FER: variants seen among roughly 807,000 people sequenced by gnomAD.
FER encodes the protein FER tyrosine kinase.
A neutral mutation model predicts 111.0 loss-of-function variants in FER; 63 were observed. The observed-to-expected ratio is 0.57, with a 90% confidence interval of 0.46 to 0.70. The LOEUF is 0.70. FER is among the 30% of genes least tolerant of loss of function. The pLI is 0.00. For synonymous variants in FER, 327 were observed against 313.9 expected (o/e 1.04, Z -0.44); for missense variants, 914 against 954.0 (o/e 0.96, Z 0.55).
intron 3 of FER, chr5:108,830,524 CAG>C (rs1759930657): frequency 6.6e-6 from 1 of 151,976 alleles, no homozygotes; most frequent in East Asian, 1.9e-4. Flanking sequence ...TTAAGGGAGA[CAG>C]TTATATTAAT....
chr5:108,777,373 A>G (rs1200538278), intron 2 of FER, among the ~76,000 whole-genome samples: 2 of 152,210 alleles, frequency 1.3e-5, no homozygotes, highest in Admixed American at 1.3e-4. Flanking sequence ...TCTGTTATCA[A>G]TATTTCTCAC....
intron 1 of FER, among the ~76,000 whole-genome samples, chr5:108,756,697 T>G (rs1751149169): frequency 6.6e-6 from 1 of 152,158 alleles, no homozygotes; most frequent in Non-Finnish European, 1.5e-5. Context: ...ATGTTGGGGA[T>G]GATGTATGAG....
chr5:109,049,111 C>T (rs573894107), intron 16 of FER, among the ~76,000 whole-genome samples: 3 of 152,112 alleles, frequency 2.0e-5, no homozygotes, highest in South Asian at 2.1e-4. Flanking sequence ...TTGTTGGATC[C>T]GAGTTTCTGT....
At chr5:108,991,134 T>G (rs1299916250) in intron 13 of FER, among the ~76,000 whole-genome samples, 1 of 151,736 alleles carries the variant, frequency 6.6e-6, no homozygotes, top group Non-Finnish European at 1.5e-5. Flanking sequence ...AATTATTAAG[T>G]ATAAAGGAGA....
intron 2 of FER, among the ~76,000 whole-genome samples, chr5:108,778,650 G>C (rs1753743795): frequency 6.6e-6 from 1 of 152,100 alleles, no homozygotes; most frequent in African/African-American, 2.4e-5. Context: ...TGTCTGTTAA[G>C]GTCTGTGGCC....
At chr5:109,087,401 CAT>C (rs1482626939) in intron 16 of FER, among the ~76,000 whole-genome samples, 2 of 151,778 alleles carry the variant, frequency 1.3e-5, no homozygotes, top group Non-Finnish European at 2.9e-5. Flanking sequence ...TGGTTGATAA[CAT>C]ACTAAAATCT....
chr5:109,020,382 G>A (rs1767762723), intron 13 of FER, among the ~76,000 whole-genome samples: 1 of 151,762 alleles, frequency 6.6e-6, no homozygotes, highest in South Asian at 2.1e-4. Flanking sequence ...CTAGAAATAA[G>A]ACCAAAATTT....
intron 17 of FER, among the ~76,000 whole-genome samples, chr5:109,138,168 C>T (rs1163095975): frequency 6.6e-6 from 1 of 152,302 alleles, no homozygotes; most frequent in East Asian, 1.9e-4. Flanking sequence ...AAGAATTACT[C>T]TCTCCATTCA....
rs928715253 is a variant in FER at position 108,966,934 on chromosome 5, C to T, written c.1656+7587C>T. Among the ~76,000 whole-genome samples the T allele has an allele frequency of 8.5e-5, 13 of 152,230 alleles. 1 individual carries two copies. Among genetic ancestry groups the T allele is most frequent in the African/African-American group, 3.1e-4 (13 of 41,556 alleles). On this transcript the variant is annotated intron_variant, in intron 13 of 19. Coordinates refer to ENST00000281092, the MANE Select transcript of FER (RefSeq NM_005246.4). ...CAAAAACAACAAAAATTGGAAAACT[C>T]GTAAACTGCATTTTTCATGAAACAG...
intron 3 of FER, among the ~76,000 whole-genome samples, chr5:108,813,711 C>T (rs969514747): frequency 5.9e-5 from 9 of 152,108 alleles, no homozygotes; most frequent in East Asian, 1.9e-4. Context: ...AACTTCCTTT[C>T]GTAACCCTAT....
chr5:109,127,499 G>T (rs1243087204), intron 17 of FER, among the ~76,000 whole-genome samples: 1 of 152,078 alleles, frequency 6.6e-6, no homozygotes, highest in African/African-American at 2.4e-5. Context: ...CACCTCCCAG[G>T]TTCAAGGGGT....
intron 13 of FER, among the ~76,000 whole-genome samples, chr5:109,036,000 C>A (rs1561807078): frequency 6.6e-6 from 1 of 151,944 alleles, no homozygotes; most frequent in South Asian, 2.1e-4. Flanking sequence ...GAGCTGGGTT[C>A]TTTGTTTTGT....
chr5:108,872,733 ATG>A (rs1162827082), intron 8 of FER, among the ~76,000 whole-genome samples: 1 of 152,172 alleles, frequency 6.6e-6, no homozygotes, highest in Non-Finnish European at 1.5e-5. Flanking sequence ...AGAAATCACA[ATG>A]TGTTTTTAGT....
At chr5:109,140,565 G>A (rs1199136540) in intron 17 of FER, among the ~76,000 whole-genome samples, 2 of 152,160 alleles carry the variant, frequency 1.3e-5, no homozygotes, top group African/African-American at 2.4e-5. Context: ...GACTTTTAAG[G>A]AAGCAAGAAA....
At chr5:108,822,249 A>G (rs1363802036) in intron 3 of FER, among the ~76,000 whole-genome samples, 1 of 152,166 alleles carries the variant, frequency 6.6e-6, no homozygotes, top group Non-Finnish European at 1.5e-5. Context: ...TTTATTTACT[A>G]TAATTTCTTT....
At chr5:108,790,578 G>T (rs567681204) in intron 2 of FER, among the ~76,000 whole-genome samples, 4 of 152,256 alleles carry the variant, frequency 2.6e-5, no homozygotes, top group South Asian at 4.1e-4. Context: ...AATAAACAGG[G>T]TATTTTGGGG....
chr5:109,006,035 TATC>T (rs1765455492), intron 13 of FER, among the ~76,000 whole-genome samples: 1 of 152,248 alleles, frequency 6.6e-6, no homozygotes, highest in Non-Finnish European at 1.5e-5. Flanking sequence ...TATAGGAACA[TATC>T]ATGATTTTGT....
intron 10 of FER, among the ~76,000 whole-genome samples, chr5:108,923,098 G>A (rs1298717910): frequency 1.3e-5 from 2 of 151,974 alleles, no homozygotes; most frequent in African/African-American, 4.8e-5. Flanking sequence ...GGTTAATGTG[G>A]GGAGTTAAAT....
chr5:108,932,877 G>A (rs1581261038), intron 10 of FER, among the ~76,000 whole-genome samples: 3 of 150,412 alleles, frequency 2.0e-5, no homozygotes. Flanking sequence ...TTTTGATGGG[G>A]TTGTTTGTTT....
Sources: gnomAD v4.1 joint callset for allele counts (sites outside exome capture counted in the v4.1 genomes callset) on GRCh38, gnomAD v4.1.1 for gene constraint, MANE v1.5 for transcripts, NCBI Gene and HGNC (gene_info 2026-07-23, HGNC 2026-07-21) for gene names.